Variants in SEPTIN11 observed in about 807,000 individuals in gnomAD.
SEPTIN11 encodes the protein septin-11.
A neutral mutation model predicts 51.4 loss-of-function variants in SEPTIN11; 25 were observed. The ratio of observed to expected loss-of-function variants is 0.49; its 90% CI spans 0.35 to 0.68. The LOEUF is 0.68. Ranked by LOEUF, SEPTIN11 falls within the 30% of genes least tolerant of loss-of-function variation. SEPTIN11 has a pLI of 0.00. For missense variants in SEPTIN11, 381 were observed against 520.8 expected (o/e 0.73, Z 2.61); for synonymous variants, 174 against 184.1 (o/e 0.95, Z 0.44).
At chr4:77,002,274 C>T (rs1023370301) in intron 2 of SEPTIN11, among the ~76,000 whole-genome samples, 12 of 152,088 alleles carry the variant, frequency 7.9e-5, no homozygotes, top group African/African-American at 2.9e-4. Flanking sequence ...AATTACCATG[C>T]CTTTAAAAAG....
At chr4:77,014,758 G>C (rs2109960443) in intron 4 of SEPTIN11, 98 bp from the exon 5 acceptor site, 1 of 1,199,182 alleles carries the variant, frequency 8.3e-7, no homozygotes, top group Non-Finnish European at 1.2e-6. Context: ...ATTTTTTACA[G>C]TAAGGTTTTG....
chr4:77,008,305 C>T (rs1724627012), intron 3 of SEPTIN11, among the ~76,000 whole-genome samples: 2 of 152,172 alleles, frequency 1.3e-5, no homozygotes, highest in Non-Finnish European at 1.5e-5. Context: ...CTGTCCATGG[C>T]GTATCACTAG....
chr4:77,039,244 A>G (rs1727232113), downstream of SEPTIN11: 1 of 1,203,862 alleles, frequency 8.3e-7, no homozygotes, highest in Non-Finnish European at 1.0e-6. Context: ...TGCTGTTTGT[A>G]CTTGTCAATG....
At chr4:76,963,372 G>T (rs1471484087) in intron 1 of SEPTIN11, among the ~76,000 whole-genome samples, 2 of 152,180 alleles carry the variant, frequency 1.3e-5, no homozygotes, top group Non-Finnish European at 2.9e-5. Flanking sequence ...GAGGTGGGTT[G>T]GTTGGATATT....
intron 5 of SEPTIN11, among the ~76,000 whole-genome samples, chr4:77,018,135 T>C (rs1267659762): frequency 6.6e-6 from 1 of 152,196 alleles, no homozygotes; most frequent in Non-Finnish European, 1.5e-5. Context: ...ATGTATTCAA[T>C]ATAAAAATTA....
intron 1 of SEPTIN11, chr4:76,974,752 G>A: frequency 4.4e-6 from 2 of 456,726 alleles, no homozygotes; most frequent in East Asian, 6.9e-5. Flanking sequence ...GAGCTGGGCT[G>A]CAGATGGAAT....
intron 1 of SEPTIN11, among the ~76,000 whole-genome samples, chr4:76,985,739 C>G (rs1490321614): frequency 6.6e-6 from 1 of 152,200 alleles, no homozygotes; most frequent in East Asian, 1.9e-4. Flanking sequence ...GCGCCTCACT[C>G]TGTCTCCACC....
intron 1 of SEPTIN11, among the ~76,000 whole-genome samples, chr4:76,966,592 G>A (rs1722043848): frequency 6.6e-6 from 1 of 152,106 alleles, no homozygotes; most frequent in Non-Finnish European, 1.5e-5. Flanking sequence ...CAGGCATGGT[G>A]GCTCACACCT....
At chr4:76,983,869 G>A (rs1722894568) in intron 1 of SEPTIN11, among the ~76,000 whole-genome samples, 3 of 152,262 alleles carry the variant, frequency 2.0e-5, no homozygotes, top group East Asian at 1.9e-4. Context: ...TTAGCTGGGC[G>A]TGGTGGCAGG....
At chr4:77,013,537 T>C (rs1321359123) in intron 4 of SEPTIN11, among the ~76,000 whole-genome samples, 2 of 152,236 alleles carry the variant, frequency 1.3e-5, no homozygotes, top group Non-Finnish European at 2.9e-5. Context: ...GTATCAAAGA[T>C]AGCCAATAAG....
At chr4:76,963,873 A>G (rs1178577775) in intron 1 of SEPTIN11, among the ~76,000 whole-genome samples, 2 of 152,162 alleles carry the variant, frequency 1.3e-5, no homozygotes, top group Non-Finnish European at 2.9e-5. Flanking sequence ...TTACATATGT[A>G]TACATGTGCC....
At chr4:77,030,203 C>G (rs1246663324) in intron 8 of SEPTIN11, among the ~76,000 whole-genome samples, 1 of 151,184 alleles carries the variant, frequency 6.6e-6, no homozygotes, top group Non-Finnish European at 1.5e-5. Context: ...TTGCAGTGAG[C>G]TGAGATTGTG....
chr4:77,026,022 C>T (rs1195925591), intron 7 of SEPTIN11, among the ~76,000 whole-genome samples: 2 of 152,152 alleles, frequency 1.3e-5, no homozygotes, highest in Admixed American at 6.5e-5. Context: ...AAGCATTTTC[C>T]ATCATGATCC....
intron 5 of SEPTIN11, among the ~76,000 whole-genome samples, chr4:77,016,633 C>CACATATATATATATATACATAT (rs1375044162): frequency 2.7e-5 from 2 of 72,746 alleles, no homozygotes; most frequent in Non-Finnish European, 5.4e-5. Flanking sequence ...TATATATACA[C>CACATATATATATATATACATAT]ATATATATAT....
intron 1 of SEPTIN11, chr4:76,974,745 C>G (rs564172882): frequency 2.2e-6 from 1 of 456,656 alleles, no homozygotes; most frequent in South Asian, 1.5e-5. Context: ...ACTGTTGGAG[C>G]TGGGCTGCAG....
chr4:76,969,340 C>G (rs1223685767), intron 1 of SEPTIN11, among the ~76,000 whole-genome samples: 1 of 152,138 alleles, frequency 6.6e-6, no homozygotes, highest in Non-Finnish European at 1.5e-5. Flanking sequence ...CTTTAGACCT[C>G]TTCTTCTGCT....
At chr4:76,957,853 T>C (rs1274197758) in intron 1 of SEPTIN11, among the ~76,000 whole-genome samples, 1 of 152,138 alleles carries the variant, frequency 6.6e-6, no homozygotes, top group African/African-American at 2.4e-5. Flanking sequence ...TTATGTGTCA[T>C]CCACATAGTG....
chr4:76,980,275 C>G (rs1003466901), intron 1 of SEPTIN11, among the ~76,000 whole-genome samples: 11 of 152,138 alleles, frequency 7.2e-5, no homozygotes, highest in Admixed American at 4.6e-4. Context: ...GCTCTGTTCT[C>G]CATGGGGACT....
At chr4:77,008,355 A>T (rs1435478873) in intron 3 of SEPTIN11, among the ~76,000 whole-genome samples, 1 of 152,228 alleles carries the variant, frequency 6.6e-6, no homozygotes, top group Non-Finnish European at 1.5e-5. Context: ...AGATAATTGA[A>T]ATCCCCTGAG....
Sources: allele counts gnomAD v4.1 joint callset (sites outside exome capture counted in the v4.1 genomes callset), GRCh38; gene constraint gnomAD v4.1.1; transcripts MANE v1.5; gene names NCBI Gene and HGNC (gene_info 2026-07-23, HGNC 2026-07-21).